SERBP1: variants seen among roughly 807,000 people sequenced by gnomAD.
The protein encoded by SERBP1 is SERPINE1 mRNA binding protein 1.
A neutral mutation model predicts 50.2 loss-of-function variants in SERBP1; 6 were observed. The ratio of observed to expected loss-of-function variants is 0.12; its 90% confidence interval spans 0.07 to 0.24. The LOEUF is 0.24. SERBP1 is among the 10% of genes least tolerant of loss of function. The pLI, the probability that SERBP1 is intolerant of heterozygous loss-of-function variation, is 1.00. For synonymous variants in SERBP1, 168 were observed against 182.8 expected (o/e 0.92, Z 0.65); for missense variants, 346 against 524.9 (o/e 0.66, Z 3.33).
intron 6 of SERBP1, 65 bp from the exon 7 acceptor site, chr1:67,415,404 A>G: frequency 1.4e-6 from 2 of 1,430,214 alleles, no homozygotes; most frequent in Non-Finnish European, 1.9e-6. Flanking sequence ...ATTTCTAAAT[A>G]ATGAGCTTTC....
At chr1:67,420,683 G>A (rs1416603561) in intron 5 of SERBP1, 1 of 152,360 alleles carries the variant, frequency 6.6e-6, no homozygotes, top group Non-Finnish European at 1.5e-5. Context: ...TCTATGCTTT[G>A]TTTCAGCAAC....
At position 67,408,073 on chromosome 1, in the gene SERBP1, C is replaced by T. The variant is rs572107716; in HGVS notation, c.*5134G>A. 3.9e-5 allele frequency: 6 copies of T among 152,286 alleles called. No individual in the cohort carries two copies. The South Asian group carries it at 1.2e-3, about 32-fold the overall frequency. 9.4% of individuals were successfully genotyped at this position (152,286 alleles called of 1,614,324 possible). Reference sequence around the variant, plus strand: ...ACAACTGTCCAAAGATAAGCTACTTCCCACTTTCCCTACTCAGTAATACAT... The same window carrying T: ...ACAACTGTCCAAAGATAAGCTACTTTCCACTTTCCCTACTCAGTAATACAT... On this transcript the variant is annotated 3_prime_UTR_variant, in exon 8 of 8. Transcript: ENST00000361219.
At position 67,411,429 on chromosome 1, in the gene SERBP1, T is replaced by C. The variant is rs1238083452; in HGVS notation, c.*1778A>G. The C allele has an allele frequency of 6.6e-6, 1 of 152,130 alleles. No homozygotes were observed. Among genetic ancestry groups the C allele is most frequent in the Non-Finnish European group, 1.5e-5 (1 of 68,010 alleles). 9.4% of individuals were successfully genotyped at this position (152,130 alleles called of 1,614,324 possible). A position where few individuals can be genotyped will look rare whatever the true frequency, so the allele number is the denominator to read the frequency against. ...TGTTGCTGTCTCAATGAACAATGGG[T>C]CAATAGTTCATATGGACTAAATTAA... On this transcript the variant is annotated 3_prime_UTR_variant, in exon 8 of 8. Coordinates refer to ENST00000361219, the MANE Select transcript of SERBP1 (RefSeq NM_001018069.2).
rs1034913872 is a variant in SERBP1 at position 67,410,253 on chromosome 1, T to G, written c.*2954A>C. On this transcript the variant is annotated 3_prime_UTR_variant, in exon 8 of 8. Transcript: ENST00000361219. ...ACATGTTAGGTTGGTACAAAACCAATTGCACCAACCTAGTATTTTCGAAAT... is the reference window on the plus strand; with the variant it reads ...ACATGTTAGGTTGGTACAAAACCAAGTGCACCAACCTAGTATTTTCGAAAT... The G allele has an allele frequency of 6.6e-6, 1 of 152,320 alleles. No individual in the cohort carries two copies. The highest frequency in any genetic ancestry group is 1.9e-4 in the East Asian group (1 of 5,186). The allele number at this position is 152,320 out of a possible 1,614,324, so 9.4% of individuals were successfully genotyped here.
In SERBP1 at chr1:67,413,062, CAG is replaced by C; in HGVS notation, c.*143_*144del. The C allele has an allele frequency of 9.4e-7, 1 of 1,068,680 alleles. No homozygotes were observed. The highest frequency in any genetic ancestry group is 1.3e-6 in the Non-Finnish European group (1 of 773,364). 66.2% of individuals were successfully genotyped at this position (1,068,680 alleles called of 1,614,324 possible). A position where few individuals can be genotyped will look rare whatever the true frequency, so the allele number is the denominator to read the frequency against. On this transcript the variant is annotated 3_prime_UTR_variant, in exon 8 of 8. Coordinates refer to ENST00000361219, the MANE Select transcript of SERBP1 (RefSeq NM_001018069.2). ...TAGCGGGAGAAGTTCATTTTTAAAA[CAG>C]ATAAAATTCAGTCTTTAGGTGTGAA... is the stretch of plus-strand genomic sequence containing the variant.
intron 6 of SERBP1, among the ~76,000 whole-genome samples, chr1:67,417,943 A>G (rs983145304): frequency 6.6e-6 from 1 of 151,022 alleles, no homozygotes; most frequent in African/African-American, 2.4e-5. Flanking sequence ...TTGTCACGAG[A>G]ATGAAGACAT....
At chr1:67,422,118 C>T (rs1457310949) in intron 5 of SERBP1, among the ~76,000 whole-genome samples, 1 of 152,160 alleles carries the variant, frequency 6.6e-6, no homozygotes, top group Admixed American at 6.5e-5. Flanking sequence ...TTTTTATCTA[C>T]TCCCTCCAAT....
chr1:67,418,329 G>A lies in SERBP1; in HGVS notation c.951+1680C>T, dbSNP rs550672575. Among the ~76,000 whole-genome samples the A allele has an allele frequency of 9.2e-5, 14 of 152,096 alleles. No homozygotes were observed. In the East Asian group the frequency reaches 2.7e-3, roughly 29 times the overall value. On this transcript the variant is annotated intron_variant, in intron 6 of 7. Coordinates refer to ENST00000361219, the MANE Select transcript of SERBP1 (RefSeq NM_001018069.2). ...TTCTACAGGACTTAAAAAAGACAAT[G>A]TCCTCATTTACTACTCATATGAAGT...
rs1275705071 is a variant in SERBP1 at position 67,410,850 on chromosome 1, CT to C, written c.*2356del. On this transcript the variant is annotated 3_prime_UTR_variant, in exon 8 of 8. Coordinates refer to ENST00000361219, the MANE Select transcript of SERBP1 (RefSeq NM_001018069.2). ...GATTTTGTATTTTACAAGAATTCAA[CT>C]TTCCCAATTAAGTCATTAGTCATTA... 1 of 152,138 alleles carries C rather than the reference CT, an allele frequency of 6.6e-6. No homozygotes were observed. Among genetic ancestry groups the C allele is most frequent in the Non-Finnish European group, 1.5e-5 (1 of 67,992 alleles). 9.4% of individuals were successfully genotyped at this position (152,138 alleles called of 1,614,324 possible).
intron 7 of SERBP1, among the ~76,000 whole-genome samples, chr1:67,413,648 C>CA (rs576070396): frequency 0.056 from 3,701 of 65,788 alleles, 125 homozygotes; most frequent in Middle Eastern, 0.12. Flanking sequence ...GACTCCATCT[C>CA]AAAAAAAAAA....
intron 6 of SERBP1, 91 bp from the exon 7 acceptor site, chr1:67,415,430 A>G (rs1023331764): frequency 4.6e-5 from 60 of 1,308,686 alleles, no homozygotes; most frequent in Non-Finnish European, 5.8e-5. Flanking sequence ...AAAAAAACCA[A>G]AAATCCAAAC....
intron 5 of SERBP1, among the ~76,000 whole-genome samples, chr1:67,422,822 G>A (rs1236329888): frequency 3.3e-5 from 5 of 151,670 alleles, no homozygotes; most frequent in African/African-American, 7.3e-5. Context: ...TTAGCTGGGC[G>A]TGGTGATGCA....
chr1:67,420,278 C>T, intron 5 of SERBP1, 92 bp from the exon 6 acceptor site: 1 of 1,122,526 alleles, frequency 8.9e-7, no homozygotes, highest in Non-Finnish European at 1.3e-6. Flanking sequence ...GAAAATTAAC[C>T]TTGTAATCTT....
chr1:67,424,420 T>A, intron 4 of SERBP1, 143 bp from the exon 5 acceptor site: 1 of 1,077,740 alleles, frequency 9.3e-7, no homozygotes, highest in East Asian at 2.5e-5. Context: ...ATTCTCTAAC[T>A]CCTTTCTTAC....
chr1:67,424,860 G>A (rs550551913), intron 4 of SERBP1, 28 bp downstream of exon 4: 2 of 1,573,066 alleles, frequency 1.3e-6, no homozygotes, highest in South Asian at 1.1e-5. Flanking sequence ...GTTAGGTATA[G>A]AATTTTTAAG....
chr1:67,423,801 C>A (rs139992197), intron 5 of SERBP1, among the ~76,000 whole-genome samples: 78 of 152,222 alleles, frequency 5.1e-4, no homozygotes, highest in African/African-American at 1.9e-3. Flanking sequence ...AGTTGTATGA[C>A]AATGGTAAAA....
chr1:67,426,078 G>T, intron 2 of SERBP1, 57 bp downstream of exon 2: 1 of 1,449,860 alleles, frequency 6.9e-7, no homozygotes, highest in Non-Finnish European at 9.4e-7. Flanking sequence ...TTGTACCACT[G>T]CACTCCAGCC....
intron 1 of SERBP1, 76 bp from the exon 2 acceptor site, chr1:67,426,361 T>G: frequency 7.1e-7 from 1 of 1,412,760 alleles, no homozygotes; most frequent in South Asian, 1.6e-5. Context: ...TGTCAAAAGC[T>G]GCTTCTCTTC....
In SERBP1 at chr1:67,409,386, GACACACACACAC is replaced by G. The variant is rs768733223; in HGVS notation, c.*3809_*3820del. 3 of 114,176 alleles carry G rather than the reference GACACACACACAC, an allele frequency of 2.6e-5. No homozygotes were observed. The highest frequency in any genetic ancestry group is 6.1e-4 in the East Asian group (2 of 3,286). The allele number at this position is 114,176 out of a possible 1,614,324, so 7.1% of individuals were successfully genotyped here. On this transcript the variant is annotated 3_prime_UTR_variant, in exon 8 of 8. Coordinates refer to ENST00000361219, the MANE Select transcript of SERBP1 (RefSeq NM_001018069.2). Reference sequence around the variant, plus strand: ...AAACCATTCTTAACTCAGGGACACGGACACACACACACACACACACACACACACACACACCCC... The same window carrying G: ...AAACCATTCTTAACTCAGGGACACGGACACACACACACACACACACACCCC...
Sources: allele counts gnomAD v4.1 joint callset (sites outside exome capture counted in the v4.1 genomes callset), GRCh38; gene constraint gnomAD v4.1.1; transcripts MANE v1.5; gene names NCBI Gene and HGNC (gene_info 2026-07-23, HGNC 2026-07-21).